ARMC10: variants seen among roughly 807,000 people sequenced by gnomAD.
ARMC10 encodes armadillo repeat-containing protein 10.
ARMC10 carries 23 observed loss-of-function variants against 30.2 expected under a neutral mutation model. The observed-to-expected ratio is 0.76, with a 90% CI of 0.55 to 1.08. The LOEUF (loss-of-function observed/expected upper bound fraction) is 1.08, where lower values mean the gene tolerates loss of function less well. Among genes scored for constraint, ARMC10 ranks in the 50% least tolerant of loss-of-function variants. The pLI is 0.00. For missense variants in ARMC10, 303 were observed against 413.7 expected, an observed-to-expected ratio of 0.73 and a Z score of 2.32; for synonymous variants, 111 against 164.4, an observed-to-expected ratio of 0.68 and a Z score of 2.48.
chr7:103,080,380 G>C (rs957731578), intron 2 of ARMC10, among the ~76,000 whole-genome samples: 13 of 151,770 alleles, frequency 8.6e-5, no homozygotes, highest in African/African-American at 2.9e-4. Flanking sequence ...TCGGCCACCC[G>C]AGTAGCTGGG....
chr7:103,084,288 A>G (rs1363102497), intron 3 of ARMC10, among the ~76,000 whole-genome samples: 1 of 152,256 alleles, frequency 6.6e-6, no homozygotes, highest in African/African-American at 2.4e-5. Flanking sequence ...CACTAAGACT[A>G]AAGAGCTTAA....
chr7:103,096,934 G>A (rs368322757), intron 5 of ARMC10: 38 of 280,570 alleles, frequency 1.4e-4, no homozygotes, highest in Admixed American at 7.8e-4. Flanking sequence ...TTAAATAACC[G>A]TGTGATAGAA....
intron 6 of ARMC10, 108 bp from the exon 7 acceptor site, chr7:103,098,191 A>C (rs1801935873): frequency 8.8e-7 from 1 of 1,139,730 alleles, no homozygotes; most frequent in Non-Finnish European, 1.1e-6. Context: ...TGAATTTAAA[A>C]ATTTTAAAAT....
chr7:103,088,106 C>T (rs1177820872), intron 4 of ARMC10, among the ~76,000 whole-genome samples: 1 of 152,054 alleles, frequency 6.6e-6, no homozygotes, highest in Admixed American at 6.6e-5. Flanking sequence ...TTAGAATATC[C>T]AATGAAGTGG....
chr7:103,083,732 C>T lies in ARMC10; in HGVS notation c.295C>T (p.Gln99Ter). The T allele has an allele frequency of 1.2e-6, 2 of 1,613,640 alleles. No homozygotes were observed. Among genetic ancestry groups the T allele is most frequent in the Non-Finnish European group, 1.7e-6 (2 of 1,179,526 alleles). ...TGATGTTCTAAATGCTGAACAACTT[C>T]AGAAACTCCTTTACCTGCTGGAGTC... ...YDDVLNAEQL[Q>*]KLLYLLESTE... The change falls in exon 3 of 7, where the codon CAG (glutamine) becomes TAG (stop). Residue 99 changes from glutamine to a stop codon, truncating the protein, a stop_gained. Coordinates refer to ENST00000323716, the MANE Select transcript of ARMC10 (RefSeq NM_031905.5). LOFTEE classifies it high-confidence loss of function.
In ARMC10 at chr7:103,098,659, C is replaced by T; in HGVS notation, c.*106C>T. 2.0e-6 allele frequency: 3 copies of T among 1,483,210 alleles called. No individual in the cohort carries two copies. Among genetic ancestry groups the T allele is most frequent in the Non-Finnish European group, 2.7e-6 (3 of 1,116,332 alleles). The allele number at this position is 1,483,210 out of a possible 1,614,324, so 91.9% of individuals were successfully genotyped here. A position where few individuals can be genotyped will look rare whatever the true frequency, so the allele number is the denominator to read the frequency against. On this transcript the variant is annotated 3_prime_UTR_variant, in exon 7 of 7. Transcript: ENST00000323716. ...TGCTAAATTTAAACAGTAAATATCA[C>T]ATTTTGTCATTAACACAGCTATAAC... is the stretch of plus-strand genomic sequence containing the variant.
intron 5 of ARMC10, among the ~76,000 whole-genome samples, chr7:103,095,306 T>C (rs1801671401): frequency 6.6e-6 from 1 of 152,150 alleles, no homozygotes; most frequent in African/African-American, 2.4e-5. Context: ...GTTGCCCATG[T>C]TGCTCTTGAA....
chr7:103,086,573 A>G (rs1800872717), intron 3 of ARMC10, 57 bp from the exon 4 acceptor site: 2 of 1,525,142 alleles, frequency 1.3e-6, no homozygotes, highest in African/African-American at 2.9e-5. Flanking sequence ...GAATTCAGTG[A>G]ACGGAGATGC....
chr7:103,081,476 A>G (rs1379043870), intron 2 of ARMC10, among the ~76,000 whole-genome samples: 1 of 152,116 alleles, frequency 6.6e-6, no homozygotes, highest in South Asian at 2.1e-4. Context: ...GGCTCAAGCA[A>G]TTTTCCCGCC....
intron 3 of ARMC10, chr7:103,084,092 T>C: frequency 7.2e-7 from 1 of 1,385,274 alleles, no homozygotes; most frequent in Non-Finnish European, 9.5e-7. Context: ...GTTTACCATT[T>C]CATGGCCTTT....
At chr7:103,089,209 A>T (rs1452452768) in intron 4 of ARMC10, 1 of 252,472 alleles carries the variant, frequency 4.0e-6, no homozygotes, top group East Asian at 9.5e-5. Context: ...TCCAGCTTTC[A>T]TACAGACACT....
At chr7:103,091,288 G>A (rs1205232212) in intron 4 of ARMC10, among the ~76,000 whole-genome samples, 1 of 152,094 alleles carries the variant, frequency 6.6e-6, no homozygotes. Flanking sequence ...AATTAGCTGG[G>A]CATGGTGGCA....
At position 103,088,302 on chromosome 7, in the gene ARMC10, A is replaced by G. The variant is rs148544505; in HGVS notation, c.528+1538A>G. Among the ~76,000 whole-genome samples, 732 of 152,298 alleles carry G rather than the reference A, an allele frequency of 4.8e-3. 6 individuals carry two copies. The highest frequency in any genetic ancestry group is 0.017 in the African/African-American group (692 of 41,566). ...AATCAGAGACTAAAGAACCTTTATG[A>G]AAGTAAGTAGGATTGGAAGTCCTTG... On this transcript the variant is annotated intron_variant, in intron 4 of 6. Transcript: ENST00000323716.
chr7:103,091,664 A>G (rs1281140342), intron 4 of ARMC10, among the ~76,000 whole-genome samples: 1 of 138,042 alleles, frequency 7.2e-6, no homozygotes. Context: ...CTGCTAAGGT[A>G]CTTATTACTA....
intron 4 of ARMC10, among the ~76,000 whole-genome samples, chr7:103,088,498 C>G (rs1053343157): frequency 1.3e-5 from 2 of 152,054 alleles, no homozygotes; most frequent in African/African-American, 4.8e-5. Context: ...AAAAATATTG[C>G]CAGCCATAAA....
intron 4 of ARMC10, among the ~76,000 whole-genome samples, chr7:103,090,728 T>TAAA (rs34277044): frequency 4.6e-4 from 65 of 140,918 alleles, no homozygotes; most frequent in Non-Finnish European, 8.2e-4. Context: ...AACCCATTTC[T>TAAA]AAAAAAAAAA....
chr7:103,075,988 C>T, intron 2 of ARMC10, 107 bp downstream of exon 2: 1 of 711,776 alleles, frequency 1.4e-6, no homozygotes, highest in South Asian at 2.6e-5. Context: ...CATTAAAACC[C>T]TCCAAAGGCA....
intron 4 of ARMC10, among the ~76,000 whole-genome samples, chr7:103,089,778 GATA>G (rs1334401411): frequency 6.6e-6 from 1 of 152,192 alleles, no homozygotes; most frequent in Non-Finnish European, 1.5e-5. Context: ...GCCAGGGTCA[GATA>G]ATGTCAGCAG....
In ARMC10 at chr7:103,099,575, C is replaced by CGGGTGTGTGTGT. The variant is rs1802076461; in HGVS notation, c.*1023_*1024insGGTGTGTGTGTG. 1 of 29,962 alleles carries CGGGTGTGTGTGT rather than the reference C, an allele frequency of 3.3e-5. No individual in the cohort carries two copies. The highest frequency in any genetic ancestry group is 1.8e-4 in the Non-Finnish European group (1 of 5,668). The allele number at this position is 29,962 out of a possible 1,614,324, so 1.9% of individuals were successfully genotyped here. A position where few individuals can be genotyped will look rare whatever the true frequency, so the allele number is the denominator to read the frequency against. ...ACAAAAATTATAGAATATGGGATCC[C>CGGGTGTGTGTGT]GTGTGTGTGTGTGTGTGTTTGAATG... On this transcript the variant is annotated 3_prime_UTR_variant, in exon 7 of 7. Coordinates refer to ENST00000323716, the MANE Select transcript of ARMC10 (RefSeq NM_031905.5).
Sources: gnomAD v4.1 joint callset for allele counts (sites outside exome capture counted in the v4.1 genomes callset) on GRCh38, gnomAD v4.1.1 for gene constraint, MANE v1.5 for transcripts, NCBI Gene and HGNC (gene_info 2026-07-23, HGNC 2026-07-21) for gene names.